VPS54: variants seen among roughly 807,000 people sequenced by gnomAD.
VPS54 encodes VPS54 subunit of GARP complex.
Under a neutral mutation model 121.5 loss-of-function variants are expected in VPS54, and 45 were observed. That is an observed-to-expected ratio of 0.37 (90% confidence interval 0.29 to 0.47). VPS54 has a LOEUF of 0.47. Ranked by LOEUF, VPS54 falls within the 20% of genes least tolerant of loss-of-function variation. The pLI, the probability that VPS54 is intolerant of heterozygous loss-of-function variation, is 0.99. For missense variants in VPS54, 1,090 were observed against 1,131.4 expected, an observed-to-expected ratio of 0.96 and a Z score of 0.52; for synonymous variants, 371 against 385.8, an observed-to-expected ratio of 0.96 and a Z score of 0.45.
intron 20 of VPS54, among the ~76,000 whole-genome samples, chr2:63,910,483 C>A (rs1199420132): frequency 1.3e-5 from 2 of 151,930 alleles, no homozygotes; most frequent in Non-Finnish European, 2.9e-5. Flanking sequence ...ATTTTTGGGA[C>A]AATTAATAAG....
At chr2:63,923,122 G>T (rs1442313702) in intron 12 of VPS54, among the ~76,000 whole-genome samples, 1 of 151,946 alleles carries the variant, frequency 6.6e-6, no homozygotes, top group Non-Finnish European at 1.5e-5. Context: ...GATCATCCTG[G>T]CTAACACATG....
At chr2:63,941,142 A>C (rs1250653230) in intron 11 of VPS54, among the ~76,000 whole-genome samples, 1 of 152,192 alleles carries the variant, frequency 6.6e-6, no homozygotes, top group Admixed American at 6.5e-5. Flanking sequence ...ACACTTGATA[A>C]CTCAAAAAAT....
chr2:63,929,720 C>G (rs1193699150), intron 12 of VPS54, among the ~76,000 whole-genome samples: 2 of 145,550 alleles, frequency 1.4e-5, no homozygotes, highest in Non-Finnish European at 3.1e-5. Context: ...AAAAAAAAAT[C>G]AATGAATCCA....
intron 1 of VPS54, among the ~76,000 whole-genome samples, chr2:64,017,577 G>A (rs891582145): frequency 1.3e-5 from 2 of 152,116 alleles, no homozygotes; most frequent in Non-Finnish European, 2.9e-5. Flanking sequence ...AAATGCTGTA[G>A]TAACAATACT....
chr2:63,983,748 A>T, intron 2 of VPS54, 116 bp downstream of exon 2: 1 of 1,360,096 alleles, frequency 7.4e-7, no homozygotes, highest in Non-Finnish European at 9.7e-7. Context: ...GGCCCCCCCA[A>T]ATGATTTTTA....
At chr2:63,923,521 T>G (rs1241939538) in intron 12 of VPS54, among the ~76,000 whole-genome samples, 1 of 152,122 alleles carries the variant, frequency 6.6e-6, no homozygotes, top group Admixed American at 6.6e-5. Flanking sequence ...GCAACCCAAG[T>G]GTCCACTAAT....
chr2:63,912,778 T>A, intron 18 of VPS54, 117 bp from the exon 19 acceptor site: 3 of 1,300,128 alleles, frequency 2.3e-6, no homozygotes, highest in South Asian at 1.5e-5. Context: ...CCAGTTTATT[T>A]CATAAACGAA....
At chr2:63,945,941 T>C (rs528510178) in intron 9 of VPS54, among the ~76,000 whole-genome samples, 27 of 152,326 alleles carry the variant, frequency 1.8e-4, no homozygotes, top group African/African-American at 5.3e-4. Context: ...AAATTATGTT[T>C]ACAGCTCAAT....
At chr2:63,959,787 G>A (rs949334742) in intron 7 of VPS54, among the ~76,000 whole-genome samples, 3 of 152,042 alleles carry the variant, frequency 2.0e-5, no homozygotes, top group African/African-American at 4.8e-5. Flanking sequence ...CTGGGAGGCC[G>A]ACATGGGCAG....
chr2:63,923,452 G>C (rs879630212), intron 12 of VPS54, among the ~76,000 whole-genome samples: 1 of 152,054 alleles, frequency 6.6e-6, no homozygotes, highest in Non-Finnish European at 1.5e-5. Context: ...AAGATCTCTA[G>C]GATTTATATG....
chr2:63,984,017 C>T lies in VPS54; in HGVS notation c.-18G>A, dbSNP rs767906471. 2.0e-5 allele frequency: 32 copies of T among 1,590,806 alleles called. No homozygotes were observed. The highest frequency in any genetic ancestry group is 2.6e-6 in the Non-Finnish European group (3 of 1,165,026). On this transcript the variant is annotated splice_region_variant and 5_prime_UTR_variant, in exon 2 of 23. Transcript: ENST00000272322. ...GAAGCCATTGCATAAAATCACCACT[C>T]AACTGAAAATGAGTAAGAAATACTA...
chr2:63,989,944 T>C (rs1677235781), intron 1 of VPS54, among the ~76,000 whole-genome samples: 1 of 152,238 alleles, frequency 6.6e-6, no homozygotes, highest in Admixed American at 6.5e-5. Context: ...AATACTGTCC[T>C]TGGTTTCCTG....
intron 16 of VPS54, among the ~76,000 whole-genome samples, chr2:63,915,397 G>A (rs891280162): frequency 6.6e-6 from 1 of 152,138 alleles, no homozygotes; most frequent in African/African-American, 2.4e-5. Context: ...GAAAGATGGT[G>A]TCTAGCCTTT....
In VPS54 at chr2:63,897,547, T is replaced by C. The variant is rs1280907490; in HGVS notation, c.2777A>G (p.Lys926Arg). 16 of 1,599,094 alleles carry C rather than the reference T, an allele frequency of 1.0e-5. No homozygotes were observed. The highest frequency in any genetic ancestry group is 1.3e-5 in the African/African-American group (1 of 74,368). The change falls in exon 22 of 23, where the codon AAA becomes AGA. Residue 926 changes from lysine (K) to arginine (R), a missense_variant. Coordinates refer to ENST00000272322, the MANE Select transcript of VPS54 (RefSeq NM_016516.3). ...CACATTTAAGTGAGATAACTGCTTT[T>C]TCAAGTGGAGTTTATAACTTGCATT... ...RINASYKLHL[K>R]KQLSHLNVIN...
chr2:63,993,554 G>T (rs1368518421), intron 1 of VPS54, among the ~76,000 whole-genome samples: 1 of 152,094 alleles, frequency 6.6e-6, no homozygotes, highest in Non-Finnish European at 1.5e-5. Context: ...GGACCAACTG[G>T]CCATCTTAAT....
chr2:63,995,437 T>G (rs1296539817), intron 1 of VPS54, among the ~76,000 whole-genome samples: 1 of 152,244 alleles, frequency 6.6e-6, no homozygotes. Context: ...ATACATTTAA[T>G]TAATGAAGTG....
chr2:64,005,089 C>CTTTTTT (rs764515091), intron 1 of VPS54, among the ~76,000 whole-genome samples: 655 of 44,096 alleles, frequency 0.015, 139 homozygotes, highest in East Asian at 0.026. Flanking sequence ...ACTATTGCTT[C>CTTTTTT]TTTTTTTTTT....
intron 11 of VPS54, among the ~76,000 whole-genome samples, chr2:63,934,607 C>T (rs984244125): frequency 4.6e-5 from 7 of 152,122 alleles, no homozygotes; most frequent in African/African-American, 1.7e-4. Context: ...TGGTCACTTC[C>T]TCAGAGGCCT....
intron 7 of VPS54, among the ~76,000 whole-genome samples, chr2:63,954,579 T>TA (rs1367396318): frequency 6.6e-6 from 1 of 152,100 alleles, no homozygotes; most frequent in Non-Finnish European, 1.5e-5. Flanking sequence ...GGGATAGAAT[T>TA]AGAGTATCAT....
Sources: allele counts gnomAD v4.1 joint callset (sites outside exome capture counted in the v4.1 genomes callset), GRCh38; gene constraint gnomAD v4.1.1; transcripts MANE v1.5; gene names NCBI Gene and HGNC (gene_info 2026-07-23, HGNC 2026-07-21).